Variants in C2CD2 observed in about 807,000 individuals in gnomAD.
C2CD2 encodes C2 calcium dependent domain containing 2, also known as C2 domain-containing protein 2.
Under a neutral mutation model 74.3 loss-of-function variants are expected in C2CD2, and 43 were observed. That is an observed-to-expected ratio of 0.58 (90% confidence interval 0.45 to 0.75). C2CD2 has a LOEUF of 0.75. Ranked by LOEUF, C2CD2 falls within the 30% of genes least tolerant of loss-of-function variation. The probability of loss-of-function intolerance (pLI) is 0.00; values close to 1 mark genes in which losing one functional copy is unlikely to be tolerated. For synonymous variants in C2CD2, 422 were observed against 390.7 expected, an observed-to-expected ratio of 1.08 and a Z score of -0.94; for missense variants, 801 against 916.3, an observed-to-expected ratio of 0.87 and a Z score of 1.63.
chr21:41,937,590 G>C (rs2065319448), intron 2 of C2CD2, among the ~76,000 whole-genome samples: 1 of 152,202 alleles, frequency 6.6e-6, no homozygotes, highest in East Asian at 1.9e-4. Context: ...CAAGGGGTCA[G>C]TGCCCCTAAC....
Position 41,926,333 on chromosome 21 carries a change from G to GT in C2CD2, c.379-4249dup. The stretch of plus-strand genomic sequence containing the variant: ...TTCCTCTCTGTATAAGTGACAGAGT[G>GT]TTTTTCGGAGTGGGGGGCTATTCAC... On this transcript the variant is annotated intron_variant, in intron 2 of 13. Coordinates refer to ENST00000380486, the MANE Select transcript of C2CD2 (RefSeq NM_015500.2). The surrounding 1 kb of genome is among the most constrained non-coding windows in gnomAD (Gnocchi z 8.0). The GT allele has an allele frequency of 2.7e-6, 1 of 375,084 alleles. No individual in the cohort carries two copies. The allele number at this position is 375,084 out of a possible 1,614,324, so 23.2% of individuals were successfully genotyped here.
At chr21:41,949,148 C>A (rs761341596) in intron 1 of C2CD2, among the ~76,000 whole-genome samples, 28 of 151,968 alleles carry the variant, frequency 1.8e-4, no homozygotes, top group Non-Finnish European at 3.7e-4. Context: ...GAGTTCTGGG[C>A]AGCCCACGGG....
At chr21:41,914,502 G>T in intron 6 of C2CD2, 96 bp downstream of exon 6, 1 of 1,068,508 alleles carries the variant, frequency 9.4e-7, no homozygotes, top group Non-Finnish European at 1.3e-6. Context: ...CCCACGGGAG[G>T]ATGCCACCAG....
In C2CD2 at chr21:41,933,836, A is replaced by G. The variant is rs547541366; in HGVS notation, c.378+8311T>C. On this transcript the variant is annotated intron_variant, in intron 2 of 13. Coordinates refer to ENST00000380486, the MANE Select transcript of C2CD2 (RefSeq NM_015500.2). ...GTGGGCTCACCCCACCTCAAAGGAC[A>G]GTGTGAGCCACAGCCACGACAAGGC... Among the ~76,000 whole-genome samples, 29 of 152,376 alleles carry G rather than the reference A, an allele frequency of 1.9e-4. No homozygotes were observed. In the South Asian group the frequency reaches 6.0e-3, roughly 32 times the overall value.
rs942788280 is a variant in C2CD2, at chr21:41,939,978, C to A, written c.378+2169G>T. Reference sequence around the variant, plus strand: ...CTGTGCGGACTGAGCATCCCGAATCCGAACATCCCAAATCTGAAACGCTCC... The same window carrying A: ...CTGTGCGGACTGAGCATCCCGAATCAGAACATCCCAAATCTGAAACGCTCC... On this transcript the variant is annotated intron_variant, in intron 2 of 13. Transcript: ENST00000380486. The surrounding 1 kb of genome is among the most constrained non-coding windows in gnomAD (Gnocchi z 5.5). Among the ~76,000 whole-genome samples, 1 of 152,146 alleles carries A rather than the reference C, an allele frequency of 6.6e-6. No homozygotes were observed. The highest frequency in any genetic ancestry group is 1.5e-5 in the Non-Finnish European group (1 of 68,042).
intron 8 of C2CD2, 35 bp from the exon 9 acceptor site, chr21:41,907,819 G>A: frequency 6.2e-7 from 1 of 1,613,298 alleles, no homozygotes; most frequent in African/African-American, 1.3e-5. Context: ...GGGTGCCGCT[G>A]ATGTTTCCCG....
intron 13 of C2CD2, among the ~76,000 whole-genome samples, chr21:41,898,741 G>C (rs1163617225): frequency 6.6e-6 from 1 of 152,200 alleles, no homozygotes; most frequent in Non-Finnish European, 1.5e-5. Context: ...GCCCATCATT[G>C]TGTACAGCTC....
In C2CD2 at chr21:41,887,334, G is replaced by T. The variant is rs750963259; in HGVS notation, c.*1790C>A. 7 of 152,116 alleles carry T rather than the reference G, an allele frequency of 4.6e-5. No individual in the cohort carries two copies. Among genetic ancestry groups the T allele is most frequent in the Non-Finnish European group, 1.0e-4 (7 of 68,026 alleles). 9.4% of individuals were successfully genotyped at this position (152,116 alleles called of 1,614,324 possible). A position where few individuals can be genotyped will look rare whatever the true frequency, so the allele number is the denominator to read the frequency against. On this transcript the variant is annotated 3_prime_UTR_variant, in exon 14 of 14. Transcript: ENST00000380486. ...AATATAATTTTTAAAAACAAAGCAG[G>T]TTGGAAAAGTCATTTTAAAGTCACT...
intron 9 of C2CD2, 139 bp downstream of exon 9, chr21:41,907,521 C>T (rs774375226): frequency 2.9e-5 from 27 of 917,942 alleles, no homozygotes; most frequent in South Asian, 8.7e-5. Flanking sequence ...GTCCTGCGTA[C>T]GATGAAACAG....
rs769017798 is a variant in C2CD2, at chr21:41,899,261, C to T, written c.1662G>A (p.Ala554=). Residue 554 remains alanine (A), a synonymous_variant, in exon 13 of 14, where the codon GCG becomes GCA. Transcript: ENST00000380486. This position sits in a 1 kb window ranked among gnomAD's most constrained non-coding sequence, Gnocchi z 4.4. The part of the protein sequence containing the change: ...QEDAPSHPER[A]AASAPPEEAE... ...CTTCCTCTGGCGGGGCAGAGGCTGC[C>T]GCCCTCTCCGGATGGGATGGGGCGT... The T allele has an allele frequency of 1.7e-5, 28 of 1,611,990 alleles. No homozygotes were observed. Among genetic ancestry groups the T allele is most frequent in the East Asian group, 8.9e-5 (4 of 44,872 alleles).
intron 1 of C2CD2, among the ~76,000 whole-genome samples, chr21:41,944,620 C>T (rs1395334619): frequency 6.6e-6 from 1 of 151,812 alleles, no homozygotes; most frequent in Non-Finnish European, 1.5e-5. Flanking sequence ...AGAGAGATTG[C>T]TTTTCCTTTT....
At chr21:41,953,300 G>A (rs112301094) in intron 1 of C2CD2, 70 bp downstream of exon 1, 214,535 of 1,108,724 alleles carry the variant, frequency 0.19, 22,417 homozygotes, top group Non-Finnish European at 0.21. Context: ...GACGCCTCCA[G>A]GAAAGACCTC....
chr21:41,928,345 A>G (rs1276223871), intron 2 of C2CD2, among the ~76,000 whole-genome samples: 1 of 152,076 alleles, frequency 6.6e-6, no homozygotes, highest in Non-Finnish European at 1.5e-5. Context: ...CATCATCCAG[A>G]CGAACAGGTG....
Position 41,926,348 on chromosome 21 carries a change from G to A in C2CD2, c.379-4263C>T, listed in dbSNP as rs888574893. ...GTGACAGAGTGTTTTTCGGAGTGGG[G>A]GGCTATTCACGGTAAGTCAGGGTCT... On this transcript the variant is annotated intron_variant, in intron 2 of 13. Coordinates refer to ENST00000380486, the MANE Select transcript of C2CD2 (RefSeq NM_015500.2). This position sits in a 1 kb window ranked among gnomAD's most constrained non-coding sequence, Gnocchi z 8.0. 9.7e-6 allele frequency: 6 copies of A among 619,280 alleles called. No individual in the cohort carries two copies. Among genetic ancestry groups the A allele is most frequent in the Non-Finnish European group, 1.2e-5 (6 of 495,404 alleles). The allele number at this position is 619,280 out of a possible 1,614,324, so 38.4% of individuals were successfully genotyped here. A position where few individuals can be genotyped will look rare whatever the true frequency, so the allele number is the denominator to read the frequency against.
chr21:41,930,719 A>G lies in C2CD2; in HGVS notation c.379-8634T>C, dbSNP rs184614473. On this transcript the variant is annotated intron_variant, in intron 2 of 13. Transcript: ENST00000380486. ...TCTGTCTCAAAACAAAACAAAAAAA[A>G]AAAGAAAGAAAGAAAGAAAATGAGG... 5.9e-4 allele frequency among the ~76,000 whole-genome samples: 89 copies of G among 150,160 alleles called. 3 individuals carry two copies. The highest frequency in any genetic ancestry group is 2.7e-3 in the East Asian group (14 of 5,124).
In C2CD2 at chr21:41,929,088, A is replaced by C. The variant is rs1163061408; in HGVS notation, c.379-7003T>G. Among the ~76,000 whole-genome samples, 1 of 151,674 alleles carries C rather than the reference A, an allele frequency of 6.6e-6. No homozygotes were observed. The highest frequency in any genetic ancestry group is 1.9e-4 in the East Asian group (1 of 5,196). On this transcript the variant is annotated intron_variant, in intron 2 of 13. Coordinates refer to ENST00000380486, the MANE Select transcript of C2CD2 (RefSeq NM_015500.2). The surrounding 1 kb of genome is among the most constrained non-coding windows in gnomAD (Gnocchi z 4.6). Reference sequence around the variant, plus strand: ...AATATAGTGAGATCCCACCTCTAAAAAATATTTAAAAAGTAAAAAAAAAAA... The same window carrying C: ...AATATAGTGAGATCCCACCTCTAAACAATATTTAAAAAGTAAAAAAAAAAA...
chr21:41,925,079 C>T (rs1004601794), intron 2 of C2CD2, among the ~76,000 whole-genome samples: 3 of 152,130 alleles, frequency 2.0e-5, no homozygotes, highest in African/African-American at 4.8e-5. Flanking sequence ...CATAGTAACC[C>T]CCTGGCGTGT....
chr21:41,939,113 C>T lies in C2CD2; in HGVS notation c.378+3034G>A, dbSNP rs1038534965. On this transcript the variant is annotated intron_variant, in intron 2 of 13. Transcript: ENST00000380486. This position sits in a 1 kb window ranked among gnomAD's most constrained non-coding sequence, Gnocchi z 5.5. ...ACGAGCCACAGTTTATTGATCTATT[C>T]GCCCATCAGTGGGCCCTTGGGTTCC... Among the ~76,000 whole-genome samples the T allele has an allele frequency of 2.6e-5, 4 of 152,146 alleles. No homozygotes were observed. Among genetic ancestry groups the T allele is most frequent in the East Asian group, 1.9e-4 (1 of 5,196 alleles).
chr21:41,918,680 C>A (rs1343816764), intron 4 of C2CD2, among the ~76,000 whole-genome samples, 176 bp downstream of exon 4: 1 of 152,098 alleles, frequency 6.6e-6, no homozygotes, highest in Admixed American at 6.5e-5. Flanking sequence ...GCAGGCCCTG[C>A]CAAGCCAAAG....
Sources: allele counts gnomAD v4.1 joint callset (sites outside exome capture counted in the v4.1 genomes callset), GRCh38; gene constraint gnomAD v4.1.1; non-coding constraint Gnocchi (gnomAD v3.1); transcripts MANE v1.5; gene names NCBI Gene and HGNC (gene_info 2026-07-23, HGNC 2026-07-21).